SPAG16: variants seen among roughly 807,000 people sequenced by gnomAD.
SPAG16 encodes the protein sperm associated antigen 16.
In SPAG16, 86 loss-of-function variants were observed where a neutral mutation model predicts 80.4. The observed-to-expected ratio is 1.07, with a 90% confidence interval of 0.90 to 1.28. The LOEUF is 1.28. Ranked by LOEUF, SPAG16 falls within the 50% of genes most tolerant of loss-of-function variation. The pLI is 0.00. For missense variants in SPAG16, 870 were observed against 765.3 expected (o/e 1.14, Z -1.61); for synonymous variants, 294 against 265.9 (o/e 1.11, Z -1.03).
intron 12 of SPAG16, among the ~76,000 whole-genome samples, chr2:213,999,654 C>T (rs2046694751): frequency 6.6e-6 from 1 of 152,202 alleles, no homozygotes; most frequent in Non-Finnish European, 1.5e-5. Flanking sequence ...CACTGTTTGC[C>T]TGGCAAAGTC....
chr2:213,655,534 G>T (rs547931894), intron 10 of SPAG16, among the ~76,000 whole-genome samples: 1 of 152,294 alleles, frequency 6.6e-6, no homozygotes, highest in African/African-American at 2.4e-5. Flanking sequence ...TGTTGGGGTG[G>T]TATGGTATGC....
intron 10 of SPAG16, among the ~76,000 whole-genome samples, chr2:213,793,869 G>T (rs1176089785): frequency 6.6e-6 from 1 of 152,040 alleles, no homozygotes; most frequent in Admixed American, 6.5e-5. Flanking sequence ...ATTTATTAAT[G>T]GGCCGTGCAT....
intron 15 of SPAG16, among the ~76,000 whole-genome samples, chr2:214,358,691 G>A (rs1410148112): frequency 2.6e-5 from 4 of 151,832 alleles, no homozygotes; most frequent in African/African-American, 9.7e-5. Context: ...CTGTACTCTA[G>A]TGGCTTTCTT....
At chr2:213,980,725 T>TAGAGAGAGAGAGAGAGAG (rs1553686631) in intron 12 of SPAG16, among the ~76,000 whole-genome samples, 3 of 103,992 alleles carry the variant, frequency 2.9e-5, no homozygotes, top group African/African-American at 1.5e-4. Context: ...TATATATATA[T>TAGAGAGAGAGAGAGAGAG]AGAGAGAGAG....
chr2:214,133,445 G>A (rs1383058655), intron 14 of SPAG16, among the ~76,000 whole-genome samples: 2 of 152,072 alleles, frequency 1.3e-5, no homozygotes, highest in Non-Finnish European at 2.9e-5. Context: ...GATCACTTAA[G>A]GTCAGGAGTT....
intron 12 of SPAG16, among the ~76,000 whole-genome samples, chr2:213,991,090 G>A (rs1470110517): frequency 6.6e-6 from 1 of 151,946 alleles, no homozygotes; most frequent in Non-Finnish European, 1.5e-5. Flanking sequence ...GTGCCATGGT[G>A]GTTTGCTCAC....
At chr2:213,522,382 C>T (rs1263999534) in intron 10 of SPAG16, among the ~76,000 whole-genome samples, 2 of 152,126 alleles carry the variant, frequency 1.3e-5, no homozygotes. Flanking sequence ...GCTTGGGCTA[C>T]CTAATTTCTA....
intron 9 of SPAG16, among the ~76,000 whole-genome samples, chr2:213,409,762 C>T (rs1559104093): frequency 1.3e-5 from 2 of 152,126 alleles, no homozygotes; most frequent in African/African-American, 4.8e-5. Flanking sequence ...ATTTGGCTTT[C>T]TTTGGTCTAA....
In SPAG16 at chr2:213,870,307, A is replaced by G. The variant is rs533630657; in HGVS notation, c.1214+7679A>G. On this transcript the variant is annotated intron_variant, in intron 11 of 15. Transcript: ENST00000331683. ...ATGGGATTATAACCAAGACAAATCA[A>G]GATATCTTTGTTATATTAAGCCTTA... 1.8e-4 allele frequency among the ~76,000 whole-genome samples: 27 copies of G among 152,310 alleles called. No homozygotes were observed. In the South Asian group the frequency reaches 5.6e-3, roughly 32 times the overall value.
intron 10 of SPAG16, among the ~76,000 whole-genome samples, chr2:213,842,353 C>A (rs1384699970): frequency 6.6e-6 from 1 of 151,898 alleles, no homozygotes. Context: ...TGTTTATCTT[C>A]TGTTTTATTT....
At chr2:214,396,232 C>T (rs970316751) in intron 15 of SPAG16, among the ~76,000 whole-genome samples, 1 of 151,546 alleles carries the variant, frequency 6.6e-6, no homozygotes. Context: ...TATTTTGTAC[C>T]AGGCTGTGGC....
chr2:213,829,693 C>A (rs372781603), intron 10 of SPAG16, among the ~76,000 whole-genome samples: 1 of 152,184 alleles, frequency 6.6e-6, no homozygotes, highest in East Asian at 1.9e-4. Flanking sequence ...TATTTAGGGC[C>A]CAGGGACTAT....
At chr2:213,800,310 C>T (rs1276870860) in intron 10 of SPAG16, among the ~76,000 whole-genome samples, 2 of 148,276 alleles carry the variant, frequency 1.3e-5, no homozygotes, top group Non-Finnish European at 3.0e-5. Context: ...CTCCCTTTCT[C>T]CTTCCCTCCC....
At chr2:214,019,236 T>A (rs1228908424) in intron 13 of SPAG16, among the ~76,000 whole-genome samples, 1 of 151,980 alleles carries the variant, frequency 6.6e-6, no homozygotes, top group Non-Finnish European at 1.5e-5. Flanking sequence ...ATAAATGCAA[T>A]GAGATTGTTA....
chr2:213,655,711 T>C (rs2063197676), intron 10 of SPAG16, among the ~76,000 whole-genome samples: 1 of 152,216 alleles, frequency 6.6e-6, no homozygotes, highest in Admixed American at 6.5e-5. Context: ...AATAAATTTC[T>C]TGTTGGTTCC....
At chr2:214,269,848 A>C (rs1691865276) in intron 15 of SPAG16, among the ~76,000 whole-genome samples, 3 of 152,104 alleles carry the variant, frequency 2.0e-5, no homozygotes, top group Admixed American at 2.0e-4. Flanking sequence ...TGACCTCTGA[A>C]TCATGGGGGT....
intron 3 of SPAG16, among the ~76,000 whole-genome samples, chr2:213,298,631 A>C (rs147768448): frequency 1.3e-5 from 2 of 152,240 alleles, no homozygotes; most frequent in African/African-American, 4.8e-5. Flanking sequence ...TTCTGCTATC[A>C]TGGTCGAAAG....
intron 15 of SPAG16, among the ~76,000 whole-genome samples, chr2:214,305,669 A>T (rs1445189601): frequency 6.6e-6 from 1 of 152,144 alleles, no homozygotes; most frequent in Admixed American, 6.6e-5. Context: ...GTTTTCAAAG[A>T]TCAGATAGTT....
intron 12 of SPAG16, among the ~76,000 whole-genome samples, chr2:213,992,656 C>T (rs956329578): frequency 2.2e-4 from 34 of 151,702 alleles, no homozygotes; most frequent in African/African-American, 7.0e-4. Context: ...AGACTAGTAC[C>T]GAATAATAGG....
Sources: allele counts gnomAD v4.1 joint callset (sites outside exome capture counted in the v4.1 genomes callset), GRCh38; gene constraint gnomAD v4.1.1; transcripts MANE v1.5; gene names NCBI Gene and HGNC (gene_info 2026-07-23, HGNC 2026-07-21).